Variants in LCLAT1 observed in about 807,000 individuals in gnomAD.
LCLAT1 encodes the protein lysocardiolipin acyltransferase 1.
In LCLAT1, 11 loss-of-function variants were observed where a neutral mutation model predicts 30.7. That is an observed-to-expected ratio of 0.36 (90% CI 0.23 to 0.59). The LOEUF (loss-of-function observed/expected upper bound fraction) is 0.59, where lower values mean the gene tolerates loss of function less well. Among genes scored for constraint, LCLAT1 ranks in the 20% least tolerant of loss-of-function variants. The probability of loss-of-function intolerance (pLI) is 0.77; values close to 1 mark genes in which losing one functional copy is unlikely to be tolerated. For synonymous variants in LCLAT1, 155 were observed against 151.3 expected (o/e 1.02, Z -0.18); for missense variants, 402 against 458.6 (o/e 0.88, Z 1.13).
intron 5 of LCLAT1, among the ~76,000 whole-genome samples, chr2:30,639,855 T>C (rs74859317): frequency 0.011 from 1,677 of 152,336 alleles, 61 homozygotes; most frequent in East Asian, 0.081. Context: ...AGTTTTAGAA[T>C]GGCAGATTAC....
chr2:30,553,816 C>T (rs575683940), intron 3 of LCLAT1, among the ~76,000 whole-genome samples: 174 of 150,584 alleles, frequency 1.2e-3, no homozygotes, highest in African/African-American at 3.9e-3. Context: ...AGCGAGACTC[C>T]GTCTCAAAAA....
intron 1 of LCLAT1, among the ~76,000 whole-genome samples, chr2:30,501,078 G>C (rs1558479360): frequency 1.3e-5 from 1 of 74,550 alleles, no homozygotes; most frequent in African/African-American, 8.6e-5. Flanking sequence ...GTTTTGTTCT[G>C]TGTGTGTGTG....
chr2:30,493,351 T>C (rs943460052), intron 1 of LCLAT1, among the ~76,000 whole-genome samples: 1 of 152,206 alleles, frequency 6.6e-6, no homozygotes, highest in African/African-American at 2.4e-5. Context: ...TTTTTAAAAA[T>C]AAATTGGCAA....
intron 1 of LCLAT1, among the ~76,000 whole-genome samples, chr2:30,500,916 G>A (rs1684344433): frequency 6.6e-6 from 1 of 152,066 alleles, no homozygotes; most frequent in South Asian, 2.1e-4. Flanking sequence ...AGGCCTCACA[G>A]ATAGTATCAA....
At position 30,640,577 on chromosome 2, in the gene LCLAT1, TTTACAC is replaced by T; in HGVS notation, c.1090_1095del (p.Leu364_His365del). On this transcript the variant is annotated inframe_deletion, in exon 6 of 6. Coordinates refer to ENST00000379509, the MANE Select transcript of LCLAT1 (RefSeq NM_001002257.3). ...TCATAGAACTTGCATGTTACCGACT[TTTACAC>T]AAACAGCCACATTTAAATTCAAAGA... 6.2e-7 allele frequency: 1 copy of T among 1,611,914 alleles called. No homozygotes were observed. Among genetic ancestry groups the T allele is most frequent in the Non-Finnish European group, 8.5e-7 (1 of 1,179,308 alleles).
rs78799722 is a variant in LCLAT1, at chr2:30,641,862, A to G, written c.*1243A>G. 4.7e-4 allele frequency: 69 copies of G among 145,808 alleles called. No individual in the cohort carries two copies. Among genetic ancestry groups the G allele is most frequent in the African/African-American group, 1.6e-3 (63 of 39,200 alleles). 9.0% of individuals were successfully genotyped at this position (145,808 alleles called of 1,614,324 possible). A position where few individuals can be genotyped will look rare whatever the true frequency, so the allele number is the denominator to read the frequency against. On this transcript the variant is annotated 3_prime_UTR_variant, in exon 6 of 6. Coordinates refer to ENST00000379509, the MANE Select transcript of LCLAT1 (RefSeq NM_001002257.3). ...TCTGAGGCAAAAGAAAAGTGTTGTC[A>G]TTTTCACTCTGTTGGAGCTGCACAC...
rs144607918 is a variant in LCLAT1 at position 30,500,736 on chromosome 2, A to G, written c.-4-24851A>G. Among the ~76,000 whole-genome samples, 51 of 152,344 alleles carry G rather than the reference A, an allele frequency of 3.3e-4. No homozygotes were observed. The East Asian group carries it at 8.5e-3, about 25-fold the overall frequency. On this transcript the variant is annotated intron_variant, in intron 1 of 5. Transcript: ENST00000379509. ...TATTTTCATCATTTTGCTTGTATCT[A>G]TTAAAAGAAAAAATAATATGAATGA...
intron 1 of LCLAT1, among the ~76,000 whole-genome samples, chr2:30,457,275 C>T (rs1399325660): frequency 6.6e-5 from 10 of 152,030 alleles, no homozygotes. Context: ...AGCTGTGGAT[C>T]CTTATCTAAA....
At chr2:30,481,303 T>TG (rs1243982566) in intron 1 of LCLAT1, among the ~76,000 whole-genome samples, 2 of 152,258 alleles carry the variant, frequency 1.3e-5, no homozygotes, top group African/African-American at 4.8e-5. Flanking sequence ...GGTAAGTAGA[T>TG]GAACCTGTGG....
intron 1 of LCLAT1, among the ~76,000 whole-genome samples, chr2:30,493,650 C>G (rs1407272510): frequency 6.6e-6 from 1 of 152,186 alleles, no homozygotes; most frequent in African/African-American, 2.4e-5. Flanking sequence ...CTCTAGAAAA[C>G]TCCTTGTGCT....
At chr2:30,522,755 C>T (rs994948481) in intron 1 of LCLAT1, among the ~76,000 whole-genome samples, 1 of 152,170 alleles carries the variant, frequency 6.6e-6, no homozygotes, top group African/African-American at 2.4e-5. Context: ...TGACACACAC[C>T]TTTCTACCTG....
At chr2:30,565,942 G>A (rs944015854) in intron 4 of LCLAT1, among the ~76,000 whole-genome samples, 5 of 152,166 alleles carry the variant, frequency 3.3e-5, no homozygotes, top group Non-Finnish European at 7.3e-5. Context: ...GGGAGGAGCA[G>A]CAACTGCACC....
chr2:30,633,929 A>G (rs1185405008), intron 5 of LCLAT1, among the ~76,000 whole-genome samples: 2 of 152,204 alleles, frequency 1.3e-5, no homozygotes, highest in African/African-American at 2.4e-5. Flanking sequence ...AAACGTACAG[A>G]TGTGTAAGGA....
intron 4 of LCLAT1, 99 bp downstream of exon 4, chr2:30,562,391 C>T (rs1166681724): frequency 1.3e-5 from 12 of 953,290 alleles, no homozygotes; most frequent in Non-Finnish European, 1.7e-5. Flanking sequence ...AATGGCTCTT[C>T]CAGGTGTGGT....
intron 5 of LCLAT1, among the ~76,000 whole-genome samples, chr2:30,632,255 G>A (rs1166299363): frequency 6.6e-6 from 1 of 152,150 alleles, no homozygotes; most frequent in Non-Finnish European, 1.5e-5. Flanking sequence ...AAAAGATTGA[G>A]TACTATCCTT....
At chr2:30,450,261 G>A (rs569322389) in intron 1 of LCLAT1, among the ~76,000 whole-genome samples, 18 of 152,376 alleles carry the variant, frequency 1.2e-4, no homozygotes, top group African/African-American at 3.6e-4. Flanking sequence ...GAGGAAGGGA[G>A]CTAACTGGAG....
chr2:30,601,390 C>CTGTT (rs1292130712), intron 5 of LCLAT1, among the ~76,000 whole-genome samples: 1 of 152,140 alleles, frequency 6.6e-6, no homozygotes, highest in Non-Finnish European at 1.5e-5. Context: ...ATGCCAAGAG[C>CTGTT]TGTTGTAATA....
chr2:30,494,480 G>A (rs1191437188), intron 1 of LCLAT1, among the ~76,000 whole-genome samples: 1 of 151,956 alleles, frequency 6.6e-6, no homozygotes, highest in African/African-American at 2.4e-5. Flanking sequence ...ATCTTGAAAG[G>A]TTATGATTAT....
chr2:30,637,527 C>T (rs1669096022), intron 5 of LCLAT1, among the ~76,000 whole-genome samples: 1 of 152,094 alleles, frequency 6.6e-6, no homozygotes, highest in Admixed American at 6.6e-5. Flanking sequence ...AAATAGATCA[C>T]CTCTTGATAG....
Sources: allele counts gnomAD v4.1 joint callset (sites outside exome capture counted in the v4.1 genomes callset), GRCh38; gene constraint gnomAD v4.1.1; transcripts MANE v1.5; gene names NCBI Gene and HGNC (gene_info 2026-07-23, HGNC 2026-07-21).